RALGAPA2: variants seen among roughly 807,000 people sequenced by gnomAD.
RALGAPA2 encodes the protein Ral GTPase activating protein catalytic subunit alpha 2, also known as ral GTPase-activating protein subunit alpha-2.
A neutral mutation model predicts 230.4 loss-of-function variants in RALGAPA2; 139 were observed. The ratio of observed to expected loss-of-function variants is 0.60; its 90% CI spans 0.53 to 0.69. The LOEUF (loss-of-function observed/expected upper bound fraction) is 0.69. RALGAPA2 is among the 30% of genes least tolerant of loss of function. The probability of loss-of-function intolerance (pLI) is 0.00; values close to 1 mark genes in which losing one functional copy is unlikely to be tolerated. For synonymous variants in RALGAPA2, 847 were observed against 837.8 expected (o/e 1.01, Z -0.19); for missense variants, 2,163 against 2,276.0 (o/e 0.95, Z 1.01).
intron 39 of RALGAPA2, among the ~76,000 whole-genome samples, chr20:20,394,889 C>CAAAAAAAAAAAAAA (rs10673778): frequency 2.2e-5 from 1 of 44,640 alleles, no homozygotes; most frequent in Non-Finnish European, 3.9e-5. Flanking sequence ...AATAAATAAG[C>CAAAAAAAAAAAAAA]AAAAAAAAAA....
intron 37 of RALGAPA2, among the ~76,000 whole-genome samples, chr20:20,413,777 C>T (rs2060111460): frequency 6.6e-6 from 1 of 152,200 alleles, no homozygotes; most frequent in South Asian, 2.1e-4. Flanking sequence ...GATTTATGAT[C>T]TTTTATATAG....
In RALGAPA2 at chr20:20,470,217, A is replaced by G. The variant is rs536607954; in HGVS notation, c.5495+2612T>C. 2.4e-4 allele frequency among the ~76,000 whole-genome samples: 36 copies of G among 152,354 alleles called. 1 individual carries two copies. The Middle Eastern group carries it at 0.01, about 43-fold the overall frequency. On this transcript the variant is annotated intron_variant, in intron 37 of 39. Coordinates refer to ENST00000202677, the MANE Select transcript of RALGAPA2 (RefSeq NM_020343.4). ...GACCCCCAAAGGGAAAATTTGCTCC[A>G]GCAATGCCCCCATCCTTAGCTTAAT...
chr20:20,480,218 GA>G (rs2061741770), intron 36 of RALGAPA2, among the ~76,000 whole-genome samples: 1 of 152,162 alleles, frequency 6.6e-6, no homozygotes, highest in East Asian at 1.9e-4. Context: ...GACATTTGTA[GA>G]AATGAAATTG....
intron 15 of RALGAPA2, among the ~76,000 whole-genome samples, chr20:20,604,964 C>A (rs531477362): frequency 3.3e-5 from 5 of 152,270 alleles, no homozygotes; most frequent in African/African-American, 1.2e-4. Context: ...ACCTTCCTTG[C>A]ATCTTCCTTC....
intron 3 of RALGAPA2, among the ~76,000 whole-genome samples, chr20:20,669,109 G>C (rs2068050880): frequency 6.6e-6 from 1 of 152,186 alleles, no homozygotes; most frequent in Admixed American, 6.5e-5. Context: ...CCAAATGAGT[G>C]GCACTCCAAT....
intron 31 of RALGAPA2, among the ~76,000 whole-genome samples, chr20:20,514,398 T>C (rs2062809610): frequency 6.6e-6 from 1 of 152,190 alleles, no homozygotes; most frequent in Non-Finnish European, 1.5e-5. Context: ...CTCCAGGCAC[T>C]GAGAGCTCCT....
intron 23 of RALGAPA2, among the ~76,000 whole-genome samples, chr20:20,567,579 T>C (rs1213026076): frequency 6.6e-6 from 1 of 152,158 alleles, no homozygotes; most frequent in African/African-American, 2.4e-5. Flanking sequence ...TGTGAATCAA[T>C]AAAAGAAAAC....
chr20:20,394,350 G>A (rs1018338007), intron 39 of RALGAPA2, among the ~76,000 whole-genome samples: 45 of 152,086 alleles, frequency 3.0e-4, no homozygotes, highest in Admixed American at 7.9e-4. Flanking sequence ...CAGTCAGGTC[G>A]GGCATACAGA....
intron 20 of RALGAPA2, among the ~76,000 whole-genome samples, chr20:20,580,942 A>T (rs562000877): frequency 6.6e-6 from 1 of 152,232 alleles, no homozygotes; most frequent in Non-Finnish European, 1.5e-5. Context: ...AATCAGGCTC[A>T]TATGAGTTTT....
intron 9 of RALGAPA2, among the ~76,000 whole-genome samples, chr20:20,634,389 C>T (rs1189879979): frequency 6.6e-6 from 1 of 152,064 alleles, no homozygotes; most frequent in East Asian, 1.9e-4. Flanking sequence ...TAAACTAAGA[C>T]ATTTAAAGGT....
chr20:20,564,263 G>T (rs1422630149), intron 23 of RALGAPA2, among the ~76,000 whole-genome samples: 2 of 152,168 alleles, frequency 1.3e-5, no homozygotes, highest in East Asian at 3.8e-4. Context: ...AGCCTGAAAA[G>T]TTCTGTATCT....
intron 37 of RALGAPA2, among the ~76,000 whole-genome samples, chr20:20,443,262 T>C (rs533859616): frequency 6.6e-6 from 1 of 152,356 alleles, no homozygotes; most frequent in South Asian, 2.1e-4. Context: ...GGGGACTGCA[T>C]TCATTTCCTG....
At chr20:20,543,915 A>C (rs1327366048) in intron 24 of RALGAPA2, among the ~76,000 whole-genome samples, 3 of 151,594 alleles carry the variant, frequency 2.0e-5, no homozygotes. Flanking sequence ...TAAATTAAAA[A>C]ATAAAACTGT....
intron 34 of RALGAPA2, among the ~76,000 whole-genome samples, chr20:20,504,481 T>C (rs2062469496): frequency 6.6e-6 from 1 of 152,124 alleles, no homozygotes; most frequent in Admixed American, 6.6e-5. Context: ...CCCAGCACTT[T>C]GGGAGGCCGA....
intron 24 of RALGAPA2, among the ~76,000 whole-genome samples, chr20:20,538,200 C>G (rs576757487): frequency 6.6e-6 from 1 of 152,238 alleles, no homozygotes; most frequent in East Asian, 1.9e-4. Context: ...TAGCTTGGTT[C>G]CCATAAGTAC....
In RALGAPA2 at chr20:20,572,948, T is replaced by G; in HGVS notation, c.2828A>C (p.Asn943Thr). The G allele has an allele frequency of 1.3e-6, 2 of 1,586,492 alleles. No individual in the cohort carries two copies. Among genetic ancestry groups the G allele is most frequent in the East Asian group, 4.6e-5 (2 of 43,692 alleles). Residue 943 changes from asparagine to threonine, a missense_variant, in exon 21 of 40, where the codon AAT (asparagine) becomes ACT (threonine). Physicochemically the swap from Asn to Thr is moderately conservative, Grantham distance 65. Coordinates refer to ENST00000202677, the MANE Select transcript of RALGAPA2 (RefSeq NM_020343.4). Reference sequence around the variant, plus strand: ...ATGGATCTTGGGTGACTGGATGTTATTCACATCTCCGAGGATCCCCAAGAC... The same window carrying G: ...ATGGATCTTGGGTGACTGGATGTTAGTCACATCTCCGAGGATCCCCAAGAC... The part of the protein sequence containing the change: ...RRVLGILGDV[N>T]NIQSPKIHAR...
At chr20:20,498,125 T>C (rs1456573507) in intron 35 of RALGAPA2, among the ~76,000 whole-genome samples, 1 of 152,174 alleles carries the variant, frequency 6.6e-6, no homozygotes, top group Non-Finnish European at 1.5e-5. Flanking sequence ...GACACATCAT[T>C]TTGTGAGTAT....
In RALGAPA2 at chr20:20,580,556, T is replaced by A. The variant is rs137887953; in HGVS notation, c.2707+2494A>T. On this transcript the variant is annotated intron_variant, in intron 20 of 39. Transcript: ENST00000202677. ...ACCCTGCCTTGCCTTGCTATTTCCA[T>A]AGAAATGACACTAAAAGCGGTTGCC... Among the ~76,000 whole-genome samples, 14 of 152,310 alleles carry A rather than the reference T, an allele frequency of 9.2e-5. No homozygotes were observed. In the East Asian group the frequency reaches 2.5e-3, roughly 27 times the overall value.
At chr20:20,596,267 A>T (rs1369343995) in intron 16 of RALGAPA2, among the ~76,000 whole-genome samples, 1 of 152,262 alleles carries the variant, frequency 6.6e-6, no homozygotes, top group African/African-American at 2.4e-5. Context: ...TCTATTGCTT[A>T]TATTATTAAA....
Sources: gnomAD v4.1 joint callset for allele counts (sites outside exome capture counted in the v4.1 genomes callset) on GRCh38, gnomAD v4.1.1 for gene constraint, MANE v1.5 for transcripts, NCBI Gene and HGNC (gene_info 2026-07-23, HGNC 2026-07-21) for gene names.